KLF12: variants seen among roughly 807,000 people sequenced by gnomAD.
KLF12 encodes the protein KLF transcription factor 12.
In KLF12, 9 loss-of-function variants were observed where a neutral mutation model predicts 37.8. The ratio of observed to expected loss-of-function variants is 0.24; its 90% confidence interval spans 0.14 to 0.42. The LOEUF (loss-of-function observed/expected upper bound fraction) is 0.42. Ranked by LOEUF, KLF12 falls within the 10% of genes least tolerant of loss-of-function variation. KLF12 has a pLI of 1.00. For missense variants in KLF12, 411 were observed against 516.0 expected (o/e 0.80, Z 1.97); for synonymous variants, 208 against 202.1 (o/e 1.03, Z -0.25).
the KLF12 span, among the ~76,000 whole-genome samples, chr13:74,193,232 G>A: frequency 5.9e-5 from 9 of 151,908 alleles, no homozygotes; most frequent in South Asian, 2.1e-4. Flanking sequence ...CACCTTCCTG[G>A]GCCTCCCAAA....
In KLF12 at chr13:73,944,050, G is replaced by T; in HGVS notation, c.54C>A (p.Asn18Lys). 6.2e-7 allele frequency: 1 copy of T among 1,608,988 alleles called. No individual in the cohort carries two copies. ...GCATCCCATCAAGCATTAACATTCT[G>T]TTCTCAAAGGTGTTGATATTCTGAG... The change falls in exon 3 of 8, where the codon AAC becomes AAA. Residue 18 changes from asparagine (N) to lysine (K), a missense_variant. Asn to Lys is a moderately conservative substitution (Grantham distance 94, BLOSUM62 0). This residue lies in a region of KLF12 where 351 missense variants were observed against 397.8 expected (regional missense o/e 0.88). Transcript: ENST00000377669.
rs9573330 is a variant in KLF12 at position 73,944,073 on chromosome 13, G to A, written c.34-3C>T. 0.36 allele frequency: 568,366 copies of A among 1,574,990 alleles called. 103,711 individuals carry two copies. Among genetic ancestry groups the A allele is most frequent in the Middle Eastern group, 0.4 (2,374 of 6,000 alleles). The stretch of plus-strand genomic sequence containing the variant: ...CTGTTCTCAAAGGTGTTGATATTCT[G>A]AGAATAGAAGGGAGAGAGAAAGATT... On this transcript the variant is annotated splice_polypyrimidine_tract_variant and splice_region_variant and intron_variant, in intron 2 of 7. Transcript: ENST00000377669.
At chr13:74,061,890 A>C (rs1483494362) in intron 1 of KLF12, among the ~76,000 whole-genome samples, 2 of 152,234 alleles carry the variant, frequency 1.3e-5, no homozygotes, top group Non-Finnish European at 2.9e-5. Context: ...GTGCCTTTCT[A>C]ACCATAAATT....
intron 1 of KLF12, among the ~76,000 whole-genome samples, chr13:74,113,407 G>T (rs148941315): frequency 1.6e-4 from 25 of 152,322 alleles, no homozygotes; most frequent in Non-Finnish European, 2.9e-5. Flanking sequence ...AGCACAGGCT[G>T]ACTGTTAGGG....
In KLF12 at chr13:73,716,405, C is replaced by T. The variant is rs563566622; in HGVS notation, c.870-880G>A. On this transcript the variant is annotated intron_variant, in intron 6 of 7. Coordinates refer to ENST00000377669, the MANE Select transcript of KLF12 (RefSeq NM_007249.5). ...AAAAGCAGTCACTCATATTTCTACT[C>T]TACAAAATGTACTACAGTTAATATT... is the stretch of plus-strand genomic sequence containing the variant. 3.3e-5 allele frequency among the ~76,000 whole-genome samples: 5 copies of T among 152,300 alleles called. No homozygotes were observed. The South Asian group carries it at 6.2e-4, about 19-fold the overall frequency.
At chr13:74,152,360 T>A in the KLF12 span, among the ~76,000 whole-genome samples, 2 of 152,142 alleles carry the variant, frequency 1.3e-5, no homozygotes, top group East Asian at 3.9e-4. Context: ...ACTCAGTAAG[T>A]TTTTCTAGAG....
At position 74,133,925 on chromosome 13, in the gene KLF12, T is replaced by C. The variant is rs1405222061; in HGVS notation, c.-218A>G. On this transcript the variant is annotated 5_prime_UTR_variant, in exon 1 of 8. Transcript: ENST00000377669. ...GCGGCTCTCTGCAGTTCTCAGGAAATGAATGGGGGGCAACCCGGGGAACTG... is the reference window on the plus strand; with the variant it reads ...GCGGCTCTCTGCAGTTCTCAGGAAACGAATGGGGGGCAACCCGGGGAACTG... Among the ~76,000 whole-genome samples the C allele has an allele frequency of 6.6e-6, 1 of 151,674 alleles. No individual in the cohort carries two copies. The highest frequency in any genetic ancestry group is 2.4e-5 in the African/African-American group (1 of 41,224).
In KLF12 at chr13:73,690,984, T is replaced by C. The variant is rs1221752958; in HGVS notation, c.*4506A>G. The C allele has an allele frequency of 6.6e-6, 1 of 152,664 alleles. No homozygotes were observed. Among genetic ancestry groups the C allele is most frequent in the African/African-American group, 2.4e-5 (1 of 41,468 alleles). 9.5% of individuals were successfully genotyped at this position (152,664 alleles called of 1,614,324 possible). The stretch of plus-strand genomic sequence containing the variant: ...GACATGGGTTACTAAACAGACATTA[T>C]AATGAAACTGTGAAAATATAGCAAT... On this transcript the variant is annotated 3_prime_UTR_variant, in exon 8 of 8. Coordinates refer to ENST00000377669, the MANE Select transcript of KLF12 (RefSeq NM_007249.5).
At chr13:74,281,271 T>C in the KLF12 span, among the ~76,000 whole-genome samples, 1 of 152,162 alleles carries the variant, frequency 6.6e-6, no homozygotes, top group South Asian at 2.1e-4. Flanking sequence ...TGTATTGGCC[T>C]TCCCTGCTGG....
chr13:73,699,288 G>A (rs994493238), intron 7 of KLF12, among the ~76,000 whole-genome samples: 1 of 151,066 alleles, frequency 6.6e-6, no homozygotes, highest in African/African-American at 2.4e-5. Flanking sequence ...GGGAAGCTGA[G>A]GTGAAAGGAT....
intron 7 of KLF12, among the ~76,000 whole-genome samples, chr13:73,697,832 G>A (rs759895620): frequency 7.2e-5 from 11 of 152,160 alleles, no homozygotes; most frequent in Non-Finnish European, 1.5e-4. Context: ...ATAGAAGGAC[G>A]TGTCTTGGTG....
chr13:73,856,310 G>T (rs997047989), intron 3 of KLF12, among the ~76,000 whole-genome samples: 1 of 152,200 alleles, frequency 6.6e-6, no homozygotes, highest in Non-Finnish European at 1.5e-5. Context: ...TCTTGGCTGG[G>T]ATGCTTATCC....
the KLF12 span, among the ~76,000 whole-genome samples, chr13:74,192,299 A>T: frequency 6.6e-6 from 1 of 152,236 alleles, no homozygotes; most frequent in East Asian, 1.9e-4. Flanking sequence ...TTTGCAAACT[A>T]TATTGAGTAT....
chr13:74,105,856 A>G (rs1361284119), intron 1 of KLF12, among the ~76,000 whole-genome samples: 2 of 152,316 alleles, frequency 1.3e-5, no homozygotes, highest in East Asian at 3.9e-4. Context: ...AAGTGAGTGG[A>G]AAAAGATGTC....
rs1289625998 is a variant in KLF12, at chr13:73,736,242, ATT to A, written c.870-20719_870-20718del. On this transcript the variant is annotated intron_variant, in intron 6 of 7. Coordinates refer to ENST00000377669, the MANE Select transcript of KLF12 (RefSeq NM_007249.5). ...CAGCCATCAAAATCCACATAATGTA[ATT>A]CATTTGTAGAGAAAATGACTGTGGA... is the stretch of plus-strand genomic sequence containing the variant. Among the ~76,000 whole-genome samples, 4 of 152,290 alleles carry A rather than the reference ATT, an allele frequency of 2.6e-5. No individual in the cohort carries two copies. In the East Asian group the frequency reaches 7.7e-4, roughly 29 times the overall value.
the KLF12 span, among the ~76,000 whole-genome samples, chr13:74,180,216 C>G: frequency 6.3e-3 from 965 of 152,202 alleles, 14 homozygotes; most frequent in African/African-American, 0.023. Flanking sequence ...CTTGATTAGA[C>G]AAAAAGCCTT....
the KLF12 span, among the ~76,000 whole-genome samples, chr13:74,256,177 A>G: frequency 1.3e-5 from 2 of 151,650 alleles, no homozygotes; most frequent in Non-Finnish European, 2.9e-5. Context: ...AAAAGAAGTC[A>G]GGAATGAACT....
At chr13:74,282,858 C>T in the KLF12 span, among the ~76,000 whole-genome samples, 5 of 152,014 alleles carry the variant, frequency 3.3e-5, no homozygotes, top group South Asian at 2.1e-4. Context: ...TCTCAGTTTC[C>T]CCCCCTGGTT....
intron 2 of KLF12, among the ~76,000 whole-genome samples, chr13:73,993,512 T>G (rs1241234307): frequency 2.0e-5 from 3 of 152,134 alleles, no homozygotes; most frequent in Admixed American, 1.3e-4. Flanking sequence ...ATATAAAAAT[T>G]TAATGACAAC....
Sources: allele counts gnomAD v4.1 joint callset (sites outside exome capture counted in the v4.1 genomes callset), GRCh38; gene constraint gnomAD v4.1.1; regional missense constraint gnomAD v4.1.1; transcripts MANE v1.5; gene names NCBI Gene and HGNC (gene_info 2026-07-23, HGNC 2026-07-21).